RYR1: variants seen among roughly 807,000 people sequenced by gnomAD.
RYR1 encodes the protein central core disease of muscle.
In RYR1, 342 loss-of-function variants were observed where a neutral mutation model predicts 583.5. The observed-to-expected ratio is 0.59, with a 90% CI of 0.54 to 0.64. The LOEUF (loss-of-function observed/expected upper bound fraction) is 0.64. Among genes scored for constraint, RYR1 ranks in the 30% least tolerant of loss-of-function variants. The pLI is 0.00. For missense variants in RYR1, 6,032 were observed against 6,917.2 expected (o/e 0.87, Z 4.54); for synonymous variants, 2,791 against 2,822.5 (o/e 0.99, Z 0.35).
rs76631277 is a variant in RYR1 at position 38,493,198 on chromosome 19, G to A, written c.6274+562G>A. On this transcript the variant is annotated intron_variant, in intron 38 of 105. Coordinates refer to ENST00000359596, the MANE Select transcript of RYR1 (RefSeq NM_000540.3). ...GGCAAACCTCTAACTAAGGGATGGCGGTAACCCTGAACCACTGTGGCTTCC... is the reference window on the plus strand; with the variant it reads ...GGCAAACCTCTAACTAAGGGATGGCAGTAACCCTGAACCACTGTGGCTTCC... Among the ~76,000 whole-genome samples the A allele has an allele frequency of 2.8e-3, 430 of 152,260 alleles. 12 individuals carry two copies. The East Asian group carries it at 0.038, about 13-fold the overall frequency.
At chr19:38,489,481 C>G in intron 35 of RYR1, 38 bp downstream of exon 35, 9 of 1,613,092 alleles carry the variant, frequency 5.6e-6, no homozygotes, top group Non-Finnish European at 7.6e-6. Flanking sequence ...CTCTGTCCAT[C>G]TGGGCTGGGA....
At chr19:38,574,488 TAGCC>T (rs1973869680) in intron 96 of RYR1, among the ~76,000 whole-genome samples, 2 of 151,632 alleles carry the variant, frequency 1.3e-5, no homozygotes, top group African/African-American at 4.8e-5. Flanking sequence ...CCAGACATGC[TAGCC>T]TGGCTAGCGC....
Position 38,565,046 on chromosome 19 carries a change from G to A in RYR1, c.12712G>A (p.Glu4238Lys). Residue 4238 changes from glutamate to lysine, a missense_variant, in exon 91 of 106, where the codon GAG (glutamate) becomes AAG (lysine). Transcript: ENST00000359596. This position sits in a 1 kb window ranked among gnomAD's most constrained non-coding sequence, Gnocchi z 4.7. ...EKMELFVSFC[E>K]DTIFEMQIAA... is the part of the protein sequence containing the mutation. Reference sequence around the variant, plus strand: ...GATGGAGCTCTTCGTGAGTTTCTGCGAGGACACCATCTTCGAGATGCAGAT... The same window carrying A: ...GATGGAGCTCTTCGTGAGTTTCTGCAAGGACACCATCTTCGAGATGCAGAT... 2 of 1,577,140 alleles carry A rather than the reference G, an allele frequency of 1.3e-6. No individual in the cohort carries two copies.
chr19:38,562,322 G>C (rs971468231), intron 90 of RYR1, among the ~76,000 whole-genome samples: 1 of 152,096 alleles, frequency 6.6e-6, no homozygotes, highest in African/African-American at 2.4e-5. Context: ...CACTCACGTG[G>C]TCCCGGCATG....
rs1417311918 is a variant in RYR1 at position 38,492,720 on chromosome 19, A to G, written c.6274+84A>G. On this transcript the variant is annotated intron_variant, in intron 38 of 105. Coordinates refer to ENST00000359596, the MANE Select transcript of RYR1 (RefSeq NM_000540.3). ...GGAGCCTCTGGGTCCCAAAGAGGGCATGAGGACAGATGCAAGGGAGGGGTA... is the reference window on the plus strand; with the variant it reads ...GGAGCCTCTGGGTCCCAAAGAGGGCGTGAGGACAGATGCAAGGGAGGGGTA... 9.4e-6 allele frequency: 13 copies of G among 1,383,660 alleles called. No homozygotes were observed. In the Admixed American group the frequency reaches 2.7e-4, roughly 29 times the overall value. The allele number at this position is 1,383,660 out of a possible 1,614,324, so 85.7% of individuals were successfully genotyped here.
chr19:38,544,030 A>C (rs1972319989), intron 87 of RYR1, among the ~76,000 whole-genome samples, 155 bp downstream of exon 87: 1 of 151,906 alleles, frequency 6.6e-6, no homozygotes, highest in African/African-American at 2.4e-5. Flanking sequence ...CTCTTTCTGG[A>C]TTGGCTGTCT....
chr19:38,541,761 A>T (rs116870167), intron 84 of RYR1, among the ~76,000 whole-genome samples: 3,320 of 151,782 alleles, frequency 0.022, 91 homozygotes, highest in Admixed American at 0.071. Context: ...AGAAAAGATT[A>T]AAAAATTACT....
rs552872337 is a variant in RYR1 at position 38,510,916 on chromosome 19, C to T, written c.9122+135C>T. On this transcript the variant is annotated intron_variant, in intron 60 of 105. Coordinates refer to ENST00000359596, the MANE Select transcript of RYR1 (RefSeq NM_000540.3). The stretch of plus-strand genomic sequence containing the variant: ...GCAAAGGCGATTGAAGGGTGACCAG[C>T]CATCCTAGTGTACCCGGGACTGAAG... 1.9e-4 allele frequency: 257 copies of T among 1,321,326 alleles called. 1 individual carries two copies. The South Asian group carries it at 3.1e-3, about 16-fold the overall frequency. The allele number at this position is 1,321,326 out of a possible 1,614,324, so 81.9% of individuals were successfully genotyped here.
intron 33 of RYR1, among the ~76,000 whole-genome samples, chr19:38,484,207 G>A (rs1600765206): frequency 6.6e-6 from 1 of 152,228 alleles, no homozygotes; most frequent in African/African-American, 2.4e-5. Flanking sequence ...CATGAGAATT[G>A]CTTAAACCCA....
At chr19:38,506,574 T>C (rs2960345) in intron 56 of RYR1, 28 bp downstream of exon 56, 16 of 1,611,336 alleles carry the variant, frequency 9.9e-6, no homozygotes, top group Non-Finnish European at 1.4e-5. Flanking sequence ...GCCCCCACGC[T>C]ACCCCCGTGG....
Position 38,504,759 on chromosome 19 carries a change from G to A in RYR1, c.8079G>A (p.Pro2693=), listed in dbSNP as rs368063600. The change falls in exon 51 of 106, where the codon CCG becomes CCA. Residue 2693 remains proline (P), a synonymous_variant. Coordinates refer to ENST00000359596, the MANE Select transcript of RYR1 (RefSeq NM_000540.3). ...CCCGGTTTTCCCAGAAATACGACCC[G>A]GAGCTGTACCGCATGGCCATGCCTT... The part of the protein sequence containing the change: ...FDSLAHKKYD[P]ELYRMAMPCL... 88 of 1,614,144 alleles carry A rather than the reference G, an allele frequency of 5.5e-5. 1 individual carries two copies. Among genetic ancestry groups the A allele is most frequent in the Middle Eastern group, 3.3e-4 (2 of 6,050 alleles).
intron 37 of RYR1, among the ~76,000 whole-genome samples, chr19:38,491,480 G>C (rs1051225079): frequency 2.7e-4 from 40 of 150,410 alleles, no homozygotes; most frequent in African/African-American, 9.6e-4. Context: ...CCCAGCAGGA[G>C]TGCAGGGGCA....
chr19:38,483,268 ATG>A lies in RYR1; in HGVS notation c.4708-16_4708-15del, dbSNP rs764485895. 2 of 1,564,342 alleles carry A rather than the reference ATG, an allele frequency of 1.3e-6. No individual in the cohort carries two copies. Among genetic ancestry groups the A allele is most frequent in the Non-Finnish European group, 1.7e-6 (2 of 1,154,584 alleles). On this transcript the variant is annotated intron_variant, in intron 32 of 105. Transcript: ENST00000359596. This position sits in a 1 kb window ranked among gnomAD's most constrained non-coding sequence, Gnocchi z 6.3. ...CAGAGGGGGCTGGCCATCTTGACCCATGTGTGTCTCTCTGCCCTCAGAACATC... is the reference window on the plus strand; with the variant it reads ...CAGAGGGGGCTGGCCATCTTGACCCATGTGTCTCTCTGCCCTCAGAACATC...
At position 38,565,703 on chromosome 19, in the gene RYR1, A is replaced by T. The variant is rs867851900; in HGVS notation, c.13369A>T (p.Met4457Leu). 5.6e-5 allele frequency: 80 copies of T among 1,422,910 alleles called. 1 individual carries two copies. In the Middle Eastern group the frequency reaches 2.5e-3, roughly 44 times the overall value. The allele number at this position is 1,422,910 out of a possible 1,614,324, so 88.1% of individuals were successfully genotyped here. A position where few individuals can be genotyped will look rare whatever the true frequency, so the allele number is the denominator to read the frequency against. ...CGAAGGGGCTGGCGGTCTCGGGGAC[A>T]TGGGGGACACGACGCCTGCGGAACC... is the stretch of plus-strand genomic sequence containing the variant. ...RPEGAGGLGDMGDTTPAEPPT... is the reference protein window; with the variant it reads ...RPEGAGGLGDLGDTTPAEPPT... The change falls in exon 91 of 106, where the codon ATG becomes TTG. Residue 4457 changes from methionine (M) to leucine (L), a missense_variant. By Grantham distance (15) the Met-to-Leu change is conservative (BLOSUM62 2). This residue lies in a region of RYR1 where 753 missense variants were observed against 759.6 expected (regional missense o/e 0.99). Coordinates refer to ENST00000359596, the MANE Select transcript of RYR1 (RefSeq NM_000540.3). The surrounding 1 kb of genome is among the most constrained non-coding windows in gnomAD (Gnocchi z 4.7).
intron 28 of RYR1, 132 bp downstream of exon 28, chr19:38,473,903 C>G (rs1238667492): frequency 1.3e-5 from 9 of 673,610 alleles, no homozygotes; most frequent in African/African-American, 1.3e-4. Context: ...GTAAGAATAC[C>G]GAGAGATTCT....
At chr19:38,442,028 A>C (rs770792987) in intron 2 of RYR1, among the ~76,000 whole-genome samples, 2 of 150,278 alleles carry the variant, frequency 1.3e-5, no homozygotes, top group Non-Finnish European at 1.5e-5. Context: ...CTCAGGGGAG[A>C]GGCATGGGGG....
chr19:38,532,352 A>G, intron 76 of RYR1, 138 bp from the exon 77 acceptor site: 2 of 831,236 alleles, frequency 2.4e-6, no homozygotes, highest in Admixed American at 4.0e-5. Context: ...CAGACTCCTG[A>G]TCTCAAGTGA....
intron 105 of RYR1, 36 bp downstream of exon 105, chr19:38,586,612 C>T (rs772337118): frequency 1.4e-5 from 23 of 1,593,906 alleles, no homozygotes; most frequent in South Asian, 1.1e-4. Context: ...GTGGGCAGGA[C>T]GTGGAGCCCT....
At position 38,587,342 on chromosome 19, in the gene RYR1, G is replaced by A. The variant is rs749970213; in HGVS notation, c.15039G>A (p.Lys5013=). Residue 5013 remains lysine, a synonymous_variant, in exon 106 of 106, where the codon AAG becomes AAA. Coordinates refer to ENST00000359596, the MANE Select transcript of RYR1 (RefSeq NM_000540.3). ...AATCCTAGGAGTCTTATGTCTGGAA[G>A]ATGTACCAAGAGAGATGTTGGGATT... ...EHTGQESYVW[K]MYQERCWDFF... is the part of the protein sequence containing the mutation. The A allele has an allele frequency of 3.1e-6, 5 of 1,613,884 alleles. No individual in the cohort carries two copies. The Admixed American group carries it at 6.7e-5, about 22-fold the overall frequency.
Sources: allele counts gnomAD v4.1 joint callset (sites outside exome capture counted in the v4.1 genomes callset), GRCh38; gene constraint gnomAD v4.1.1; regional missense constraint gnomAD v4.1.1; non-coding constraint Gnocchi (gnomAD v3.1); transcripts MANE v1.5; gene names NCBI Gene and HGNC (gene_info 2026-07-23, HGNC 2026-07-21).